The following GAK variants were observed in gnomAD, a reference collection of about 807,000 sequenced individuals.
GAK encodes the protein cyclin-G-associated kinase.
In GAK, 79 loss-of-function variants were observed where a neutral mutation model predicts 143.9. The observed-to-expected ratio is 0.55, with a 90% CI of 0.46 to 0.66. GAK has a LOEUF of 0.66. Ranked by LOEUF, GAK falls within the 30% of genes least tolerant of loss-of-function variation. The pLI, the probability that GAK is intolerant of heterozygous loss-of-function variation, is 0.00. For missense variants in GAK, 1,693 were observed against 1,779.7 expected (o/e 0.95, Z 0.88); for synonymous variants, 881 against 765.5 (o/e 1.15, Z -2.49).
intron 1 of GAK, among the ~76,000 whole-genome samples, chr4:929,008 C>T (rs533199425): frequency 2.0e-5 from 3 of 152,318 alleles, no homozygotes; most frequent in Admixed American, 1.3e-4. Flanking sequence ...GTAATCCACC[C>T]GCCTCGGCCT....
intron 23 of GAK, among the ~76,000 whole-genome samples, chr4:860,117 C>G (rs1007421643): frequency 6.6e-6 from 1 of 151,930 alleles, no homozygotes; most frequent in African/African-American, 2.4e-5. Context: ...ATAGAAATAC[C>G]CTGTCTCTAC....
chr4:851,695 G>C, intron 25 of GAK, 55 bp downstream of exon 25: 10 of 1,541,888 alleles, frequency 6.5e-6, no homozygotes, highest in South Asian at 2.2e-5. Flanking sequence ...TCTACCTTTA[G>C]CCAATTCAGG....
At chr4:858,956 C>T (rs566661633) in intron 24 of GAK, among the ~76,000 whole-genome samples, 1 of 152,240 alleles carries the variant, frequency 6.6e-6, no homozygotes, top group Non-Finnish European at 1.5e-5. Context: ...TCCCACCCAG[C>T]ATTCCACCCG....
rs149009852 is a variant in GAK at position 890,478 on chromosome 4, C to G, written c.1081+54G>C. On this transcript the variant is annotated intron_variant, in intron 10 of 27. Coordinates refer to ENST00000314167, the MANE Select transcript of GAK (RefSeq NM_005255.4). ...CTCCATCCCAATGTGCTGCGGGTGC[C>G]CGGGGTGCAGCAGGAGCGAGGGACA... is the stretch of plus-strand genomic sequence containing the variant. 5.7e-6 allele frequency: 8 copies of G among 1,391,938 alleles called. 1 individual carries two copies. In the Middle Eastern group the frequency reaches 1.1e-3, roughly 194 times the overall value. The allele number at this position is 1,391,938 out of a possible 1,614,324, so 86.2% of individuals were successfully genotyped here.
chr4:896,794 C>CT (rs1177983693), intron 6 of GAK, among the ~76,000 whole-genome samples: 1 of 152,260 alleles, frequency 6.6e-6, no homozygotes, highest in East Asian at 1.9e-4. Context: ...CTCCTACGGC[C>CT]TCCCGTGCTT....
In GAK at chr4:867,233, C is replaced by T. The variant is rs1355453088; in HGVS notation, c.2595G>A (p.Val865=). The change falls in exon 21 of 28, where the codon GTG becomes GTA. Residue 865 remains valine (V), a synonymous_variant. Transcript: ENST00000314167. ...GCTCTGGCAGCACAGCCGGTGTCTC[C>T]ACCTCAAAAACCAAGTCCTGCTGCA... is the stretch of plus-strand genomic sequence containing the variant. The part of the protein sequence containing the change: ...GLVQQDLVFE[V]ETPAVLPEPV... 4 of 1,613,230 alleles carry T rather than the reference C, an allele frequency of 2.5e-6. No homozygotes were observed. In the South Asian group the frequency reaches 4.4e-5, roughly 18 times the overall value.
Position 854,901 on chromosome 4 carries a change from T to C in GAK, c.3284-2927A>G, listed in dbSNP as rs910338841. ...TCTACTAAAAATACAAAAAATTAGCTGGGCGTGGTGGCGGGTGCCTGTAGT... is the reference window on the plus strand; with the variant it reads ...TCTACTAAAAATACAAAAAATTAGCCGGGCGTGGTGGCGGGTGCCTGTAGT... On this transcript the variant is annotated intron_variant, in intron 24 of 27. Transcript: ENST00000314167. Among the ~76,000 whole-genome samples the C allele has an allele frequency of 2.6e-5, 4 of 152,166 alleles. No individual in the cohort carries two copies. In the South Asian group the frequency reaches 6.2e-4, roughly 24 times the overall value.
At chr4:866,170 G>T (rs1324500088) in intron 22 of GAK, among the ~76,000 whole-genome samples, 194 bp downstream of exon 22, 2 of 152,232 alleles carry the variant, frequency 1.3e-5, no homozygotes, top group Admixed American at 1.3e-4. Flanking sequence ...ATGGTTTGGG[G>T]AGACAGAGCA....
intron 4 of GAK, among the ~76,000 whole-genome samples, chr4:905,456 G>GCTCCGCCACGCCCCATGCCACGCTACGGA (rs1720893070): frequency 6.9e-6 from 1 of 143,974 alleles, no homozygotes; most frequent in Non-Finnish European, 1.5e-5. Flanking sequence ...CACGCTAGGG[G>GCTCCGCCACGCCCCATGCCACGCTACGGA]CTCCGCCACG....
At chr4:918,771 C>T (rs1295451401) in intron 1 of GAK, among the ~76,000 whole-genome samples, 1 of 151,978 alleles carries the variant, frequency 6.6e-6, no homozygotes, top group Admixed American at 6.6e-5. Flanking sequence ...CGCCCCATGA[C>T]CTTAGAAAGG....
rs575290753 is a variant in GAK at position 903,974 on chromosome 4, A to G, written c.525+663T>C. 1.5e-4 allele frequency among the ~76,000 whole-genome samples: 23 copies of G among 152,372 alleles called. No homozygotes were observed. In the East Asian group the frequency reaches 4.4e-3, roughly 29 times the overall value. On this transcript the variant is annotated intron_variant, in intron 5 of 27. Transcript: ENST00000314167. ...ATGCTAATTTTCTTCAGGGCTGGAA[A>G]AGCAACGTTTCTGGAAGATCCGCTT... is the stretch of plus-strand genomic sequence containing the variant.
chr4:863,381 G>T (rs972956592), intron 23 of GAK, among the ~76,000 whole-genome samples: 3 of 152,232 alleles, frequency 2.0e-5, no homozygotes, highest in Non-Finnish European at 4.4e-5. Flanking sequence ...ACACTGAAAT[G>T]AGGCCAAGGG....
intron 2 of GAK, among the ~76,000 whole-genome samples, 160 bp from the exon 3 acceptor site, chr4:912,954 G>A (rs375036501): frequency 3.9e-5 from 6 of 152,198 alleles, no homozygotes; most frequent in East Asian, 1.9e-4. Flanking sequence ...CTGTAAAAAC[G>A]TGCTGGGGGT....
intron 24 of GAK, among the ~76,000 whole-genome samples, chr4:855,289 G>T (rs965860583): frequency 6.6e-6 from 1 of 151,696 alleles, no homozygotes; most frequent in African/African-American, 2.4e-5. Context: ...CACCACACAA[G>T]CCCTAGACAT....
chr4:856,017 C>T (rs933205574), intron 24 of GAK, among the ~76,000 whole-genome samples: 1 of 152,204 alleles, frequency 6.6e-6, no homozygotes, highest in Non-Finnish European at 1.5e-5. Flanking sequence ...TCTTGCTCTG[C>T]TGCCCAGACT....
At chr4:867,472 ACGGC>A in intron 20 of GAK, 40 bp from the exon 21 acceptor site, 1 of 1,454,134 alleles carries the variant, frequency 6.9e-7, no homozygotes, top group African/African-American at 1.4e-5. Flanking sequence ...GTGAGACCAC[ACGGC>A]CAGCACCAGG....
intron 24 of GAK, chr4:852,415 G>A (rs551686186): frequency 5.2e-5 from 11 of 209,648 alleles, no homozygotes; most frequent in Non-Finnish European, 7.8e-5. Flanking sequence ...ACTGCCTCTC[G>A]CAGCACATCA....
chr4:892,987 C>G (rs962331202), intron 9 of GAK, among the ~76,000 whole-genome samples: 9 of 152,330 alleles, frequency 5.9e-5, no homozygotes, highest in Non-Finnish European at 8.8e-5. Context: ...TGGCTCCCCA[C>G]TGAAGTGGGC....
chr4:915,952 C>T (rs543211797), intron 1 of GAK, among the ~76,000 whole-genome samples: 2 of 152,334 alleles, frequency 1.3e-5, no homozygotes, highest in African/African-American at 4.8e-5. Context: ...ATTATCTATG[C>T]AGAAAATCTG....
Sources: allele counts gnomAD v4.1 joint callset (sites outside exome capture counted in the v4.1 genomes callset), GRCh38; gene constraint gnomAD v4.1.1; transcripts MANE v1.5; gene names NCBI Gene and HGNC (gene_info 2026-07-23, HGNC 2026-07-21).